ARSJ: variants seen among roughly 807,000 people sequenced by gnomAD.
ARSJ encodes the protein arylsulfatase family member J.
In ARSJ, 26 loss-of-function variants were observed where a neutral mutation model predicts 35.9. That is an observed-to-expected ratio of 0.72 (90% CI 0.53 to 1.00). The LOEUF (loss-of-function observed/expected upper bound fraction) is 1.00, where lower values mean the gene tolerates loss of function less well. Ranked by LOEUF, ARSJ falls within the 50% of genes least tolerant of loss-of-function variation. The pLI is 0.00. For missense variants in ARSJ, 667 were observed against 723.6 expected (o/e 0.92, Z 0.90); for synonymous variants, 294 against 267.6 (o/e 1.10, Z -0.96).
chr4:113,939,496 A>T (rs538767668), intron 1 of ARSJ, among the ~76,000 whole-genome samples: 54 of 152,262 alleles, frequency 3.5e-4, no homozygotes, highest in African/African-American at 1.2e-3. Flanking sequence ...ACTGACTTCC[A>T]CAAGGGTTGA....
At chr4:113,958,798 A>C (rs115833205) in intron 1 of ARSJ, among the ~76,000 whole-genome samples, 1 of 151,838 alleles carries the variant, frequency 6.6e-6, no homozygotes, top group Non-Finnish European at 1.5e-5. Context: ...ACTTTCCACT[A>C]ATTTCCCTAT....
At chr4:113,914,986 TAA>T (rs1723204186) in intron 1 of ARSJ, among the ~76,000 whole-genome samples, 1 of 152,152 alleles carries the variant, frequency 6.6e-6, no homozygotes, top group East Asian at 1.9e-4. Flanking sequence ...CAGCTAAAAA[TAA>T]AGAGAATTAT....
intron 1 of ARSJ, among the ~76,000 whole-genome samples, chr4:113,907,507 T>C (rs1363594412): frequency 7.1e-6 from 1 of 141,288 alleles, no homozygotes; most frequent in Non-Finnish European, 1.6e-5. Context: ...TACACTTTAA[T>C]GAAAGTGAAT....
In ARSJ at chr4:113,903,372, A is replaced by G. The variant is rs747003839; in HGVS notation, c.702T>C (p.Asn234=). 1.9e-6 allele frequency: 3 copies of G among 1,614,050 alleles called. No homozygotes were observed. Among genetic ancestry groups the G allele is most frequent in the African/African-American group, 1.3e-5 (1 of 74,916 alleles). Residue 234 remains asparagine (N), a synonymous_variant, in exon 2 of 2, where the codon AAT becomes AAC. Transcript: ENST00000315366. ...TGTACATCTGTGTGGAGTATATGCCATTGTCATAGTCCCAGGCAGCATTGT... is the reference window on the plus strand; with the variant it reads ...TGTACATCTGTGTGGAGTATATGCCGTTGTCATAGTCCCAGGCAGCATTGT... ...ENDNAAWDYD[N]GIYSTQMYTQ...
intron 1 of ARSJ, among the ~76,000 whole-genome samples, chr4:113,910,818 C>A (rs2099670209): frequency 6.6e-6 from 1 of 152,088 alleles, no homozygotes; most frequent in African/African-American, 2.4e-5. Flanking sequence ...GGTCTCTGCT[C>A]TCAAGGAACT....
At chr4:113,928,708 G>C (rs2149263004) in intron 1 of ARSJ, among the ~76,000 whole-genome samples, 1 of 152,254 alleles carries the variant, frequency 6.6e-6, no homozygotes, top group African/African-American at 2.4e-5. Context: ...TTTTATAGTT[G>C]AGTCACTGTG....
At chr4:113,916,833 G>A (rs6834673) in intron 1 of ARSJ, among the ~76,000 whole-genome samples, 107,516 of 152,080 alleles carry the variant, frequency 0.71, 38,836 homozygotes, top group East Asian at 0.81. Context: ...AGTGCTCTAT[G>A]GGGAGACACA....
At chr4:113,928,580 A>T (rs1724227685) in intron 1 of ARSJ, among the ~76,000 whole-genome samples, 1 of 152,136 alleles carries the variant, frequency 6.6e-6, no homozygotes, top group South Asian at 2.1e-4. Context: ...GGCCATTCTG[A>T]TTGCTGCTTT....
Position 113,979,408 on chromosome 4 carries a change from T to C in ARSJ, c.-574A>G, listed in dbSNP as rs1315810386. 1 of 152,822 alleles carries C rather than the reference T, an allele frequency of 6.5e-6. No individual in the cohort carries two copies. Among genetic ancestry groups the C allele is most frequent in the Non-Finnish European group, 1.5e-5 (1 of 68,526 alleles). The allele number at this position is 152,822 out of a possible 1,614,324, so 9.5% of individuals were successfully genotyped here. A position where few individuals can be genotyped will look rare whatever the true frequency, so the allele number is the denominator to read the frequency against. On this transcript the variant is annotated 5_prime_UTR_variant, in exon 1 of 2. Transcript: ENST00000315366. ...CACCTTCTCCACTTTCCCAGGGCTA[T>C]TTTCCCCAGTCCTTTCCTAGGCGTT...
intron 1 of ARSJ, among the ~76,000 whole-genome samples, chr4:113,921,520 T>G (rs571124518): frequency 6.6e-6 from 1 of 152,292 alleles, no homozygotes; most frequent in East Asian, 1.9e-4. Flanking sequence ...GCATAAGGAA[T>G]GTAACCTTTA....
chr4:113,902,739 G>T lies in ARSJ; in HGVS notation c.1335C>A (p.Ile445=), dbSNP rs776591121. Residue 445 remains isoleucine (I), a synonymous_variant, in exon 2 of 2, where the codon ATC becomes ATA. Transcript: ENST00000315366. ...AAGYGIWNTA[I]QSAIRVQHWK... is the part of the protein sequence containing the mutation. ...AGTGCTGCACTCTGATGGCTGACTG[G>T]ATTGCAGTGTTCCAGATCCCATAGC... The T allele has an allele frequency of 6.2e-6, 10 of 1,614,184 alleles. No individual in the cohort carries two copies. The highest frequency in any genetic ancestry group is 5.1e-6 in the Non-Finnish European group (6 of 1,180,044).
At chr4:113,935,651 T>C (rs762632064) in intron 1 of ARSJ, among the ~76,000 whole-genome samples, 6 of 151,894 alleles carry the variant, frequency 4.0e-5, no homozygotes, top group Non-Finnish European at 8.8e-5. Context: ...GGTCATTGAA[T>C]GTATGAGTAA....
chr4:113,928,783 C>A (rs1030924828), intron 1 of ARSJ, among the ~76,000 whole-genome samples: 1 of 152,152 alleles, frequency 6.6e-6, no homozygotes, highest in Non-Finnish European at 1.5e-5. Context: ...GATGCAGGTG[C>A]TTCCCTCACA....
chr4:113,960,214 C>T (rs772694452), intron 1 of ARSJ, among the ~76,000 whole-genome samples: 6 of 151,952 alleles, frequency 3.9e-5, no homozygotes, highest in Non-Finnish European at 5.9e-5. Context: ...ACACATTGAT[C>T]GAGAATAAAT....
At chr4:113,904,758 G>C (rs1161776313) in intron 1 of ARSJ, among the ~76,000 whole-genome samples, 3 of 152,170 alleles carry the variant, frequency 2.0e-5, no homozygotes, top group Non-Finnish European at 4.4e-5. Context: ...CAAAGTGCTG[G>C]GATTGCAGGC....
At chr4:113,942,048 G>A (rs1262158959) in intron 1 of ARSJ, among the ~76,000 whole-genome samples, 1 of 151,896 alleles carries the variant, frequency 6.6e-6, no homozygotes, top group African/African-American at 2.4e-5. Context: ...AAGGCAGATT[G>A]GATTCCAGTT....
At position 113,935,218 on chromosome 4, in the gene ARSJ, G is replaced by C. The variant is rs145830644; in HGVS notation, c.399-31543C>G. 9.0e-4 allele frequency among the ~76,000 whole-genome samples: 137 copies of C among 151,980 alleles called. 1 individual carries two copies. In the East Asian group the frequency reaches 0.025, roughly 28 times the overall value. On this transcript the variant is annotated intron_variant, in intron 1 of 1. Coordinates refer to ENST00000315366, the MANE Select transcript of ARSJ (RefSeq NM_024590.4). ...AAACCAAATAATCAGAGAAGGTGCT[G>C]TCTGTTATATCCTCATGATAATTTG...
chr4:113,902,686 T>C lies in ARSJ; in HGVS notation c.1388A>G (p.Tyr463Cys). The C allele has an allele frequency of 1.2e-6, 2 of 1,614,236 alleles. No individual in the cohort carries two copies. Among genetic ancestry groups the C allele is most frequent in the Non-Finnish European group, 1.7e-6 (2 of 1,180,036 alleles). Reference sequence around the variant, plus strand: ...AGACTGAGGGGGGACCCAGTCGCTGTAGCCAGGATTTCCTGTAAGCAATTT... The same window carrying C: ...AGACTGAGGGGGGACCCAGTCGCTGCAGCCAGGATTTCCTGTAAGCAATTT... ...HWKLLTGNPGYSDWVPPQSFS... is the reference protein window; with the variant it reads ...HWKLLTGNPGCSDWVPPQSFS... Residue 463 changes from tyrosine (Y) to cysteine (C), a missense_variant, in exon 2 of 2, where the codon TAC (tyrosine) becomes TGC (cysteine). Coordinates refer to ENST00000315366, the MANE Select transcript of ARSJ (RefSeq NM_024590.4).
chr4:113,958,168 C>T (rs1482811506), intron 1 of ARSJ, among the ~76,000 whole-genome samples: 2 of 152,032 alleles, frequency 1.3e-5, no homozygotes, highest in African/African-American at 4.8e-5. Flanking sequence ...TTACTCTCTC[C>T]TTCCAAACAA....
Sources: allele counts gnomAD v4.1 joint callset (sites outside exome capture counted in the v4.1 genomes callset), GRCh38; gene constraint gnomAD v4.1.1; transcripts MANE v1.5; gene names NCBI Gene and HGNC (gene_info 2026-07-23, HGNC 2026-07-21).